PTPRN2: variants seen among roughly 807,000 people sequenced by gnomAD.
PTPRN2 encodes receptor-type tyrosine-protein phosphatase N2.
A neutral mutation model predicts 118.8 loss-of-function variants in PTPRN2; 74 were observed. The ratio of observed to expected loss-of-function variants is 0.62; its 90% CI spans 0.52 to 0.76. PTPRN2 has a LOEUF of 0.76. Among genes scored for constraint, PTPRN2 ranks in the 30% least tolerant of loss-of-function variants. The pLI is 0.00. For synonymous variants in PTPRN2, 641 were observed against 608.0 expected (o/e 1.05, Z -0.80); for missense variants, 1,481 against 1,394.4 (o/e 1.06, Z -0.99).
intron 11 of PTPRN2, among the ~76,000 whole-genome samples, chr7:158,010,483 C>T (rs1173027339): frequency 6.6e-6 from 1 of 152,220 alleles, no homozygotes; most frequent in Non-Finnish European, 1.5e-5. Context: ...CTCAGAAACA[C>T]CACTGACCAG....
At chr7:157,731,690 C>G (rs878959217) in intron 12 of PTPRN2, among the ~76,000 whole-genome samples, 469 of 2,490 alleles carry the variant, frequency 0.19, 1 homozygote, top group Non-Finnish European at 0.28. Context: ...TCCCGTCCCA[C>G]GCGCCCAGCA....
Position 157,861,839 on chromosome 7 carries a change from A to C in PTPRN2, c.1788+36834T>G, listed in dbSNP as rs1300796788. Among the ~76,000 whole-genome samples, 1 of 152,188 alleles carries C rather than the reference A, an allele frequency of 6.6e-6. No individual in the cohort carries two copies. The highest frequency in any genetic ancestry group is 1.5e-5 in the Non-Finnish European group (1 of 68,038). On this transcript the variant is annotated intron_variant, in intron 12 of 22. Coordinates refer to ENST00000389418, the MANE Select transcript of PTPRN2 (RefSeq NM_002847.5). The surrounding 1 kb of genome is among the most constrained non-coding windows in gnomAD (Gnocchi z 5.8). Reference sequence around the variant, plus strand: ...AGTCTGTCCTCTCCGTCGCAGGGACACGGATGCTTCGAGGACTCTGTGTGC... The same window carrying C: ...AGTCTGTCCTCTCCGTCGCAGGGACCCGGATGCTTCGAGGACTCTGTGTGC...
chr7:157,794,769 C>G lies in PTPRN2; in HGVS notation c.1788+103904G>C, dbSNP rs1050999687. On this transcript the variant is annotated intron_variant, in intron 12 of 22. Transcript: ENST00000389418. The surrounding 1 kb of genome is among the most constrained non-coding windows in gnomAD (Gnocchi z 5.2). The stretch of plus-strand genomic sequence containing the variant: ...TTGTGGAGACAGCTCACCAGCAGAA[C>G]AGTGAGCTACCTTCTCTCCCAGTAA... Among the ~76,000 whole-genome samples, 2 of 152,208 alleles carry G rather than the reference C, an allele frequency of 1.3e-5. No individual in the cohort carries two copies. The highest frequency in any genetic ancestry group is 4.8e-5 in the African/African-American group (2 of 41,448).
At chr7:158,038,697 CAT>C (rs1164946999) in intron 11 of PTPRN2, among the ~76,000 whole-genome samples, 1 of 148,202 alleles carries the variant, frequency 6.7e-6, no homozygotes, top group East Asian at 1.9e-4. Context: ...TTATATGTAA[CAT>C]GTATATTTAT....
chr7:157,787,481 G>T lies in PTPRN2; in HGVS notation c.1789-104544C>A, dbSNP rs1025795474. ...TGTGCCTGGGTCACCCCAGTGGGCA[G>T]GGCGGGCAGGGGGCTTCCCCACAGT... On this transcript the variant is annotated intron_variant, in intron 12 of 22. Transcript: ENST00000389418. This position sits in a 1 kb window ranked among gnomAD's most constrained non-coding sequence, Gnocchi z 5.3. 5.9e-5 allele frequency among the ~76,000 whole-genome samples: 9 copies of T among 152,116 alleles called. No homozygotes were observed. Among genetic ancestry groups the T allele is most frequent in the African/African-American group, 2.2e-4 (9 of 41,424 alleles).
intron 2 of PTPRN2, among the ~76,000 whole-genome samples, chr7:158,481,363 G>T (rs980183574): frequency 6.6e-6 from 1 of 152,242 alleles, no homozygotes; most frequent in African/African-American, 2.4e-5. Flanking sequence ...TCACCCAAGA[G>T]CTGTGATGCA....
intron 11 of PTPRN2, among the ~76,000 whole-genome samples, chr7:158,056,366 G>A (rs1192483085): frequency 2.0e-5 from 3 of 152,226 alleles, no homozygotes; most frequent in Non-Finnish European, 2.9e-5. Context: ...CCATGGGGGC[G>A]GCAGGCACTG....
Position 158,544,488 on chromosome 7 carries a change from A to T in PTPRN2, c.112+43070T>A, listed in dbSNP as rs111284441. On this transcript the variant is annotated intron_variant, in intron 1 of 22. Transcript: ENST00000389418. This position sits in a 1 kb window ranked among gnomAD's most constrained non-coding sequence, Gnocchi z 4.2. Reference sequence around the variant, plus strand: ...CTGTCTCTAATAAAAATACAAAAAAATTAGCCTGGTGTGGTGGCACATGCC... The same window carrying T: ...CTGTCTCTAATAAAAATACAAAAAATTTAGCCTGGTGTGGTGGCACATGCC... 1.6e-3 allele frequency among the ~76,000 whole-genome samples: 250 copies of T among 152,184 alleles called. 4 individuals are homozygous for T. Among genetic ancestry groups the T allele is most frequent in the African/African-American group, 5.7e-3 (235 of 41,510 alleles).
rs535160587 is a variant in PTPRN2, at chr7:158,507,038, T to C, written c.113-17253A>G. On this transcript the variant is annotated intron_variant, in intron 1 of 22. Transcript: ENST00000389418. ...GGTCAGCTGAGGAACATCAGGAGGTTACTGGGGGGAATGGGCTCTGAGCTA... is the reference window on the plus strand; with the variant it reads ...GGTCAGCTGAGGAACATCAGGAGGTCACTGGGGGGAATGGGCTCTGAGCTA... Among the ~76,000 whole-genome samples the C allele has an allele frequency of 2.0e-5, 3 of 152,220 alleles. No individual in the cohort carries two copies. In the South Asian group the frequency reaches 6.2e-4, roughly 32 times the overall value.
In PTPRN2 at chr7:158,153,577, C is replaced by T. The variant is rs112809644; in HGVS notation, c.910+13354G>A. ...AGAAGCGAGCCACTCCCCCATCGCACGCCCTGTGAGGGGAATAAGGGAACT... is the reference window on the plus strand; with the variant it reads ...AGAAGCGAGCCACTCCCCCATCGCATGCCCTGTGAGGGGAATAAGGGAACT... On this transcript the variant is annotated intron_variant, in intron 6 of 22. Coordinates refer to ENST00000389418, the MANE Select transcript of PTPRN2 (RefSeq NM_002847.5). 1.8e-3 allele frequency among the ~76,000 whole-genome samples: 278 copies of T among 152,280 alleles called. 3 individuals are homozygous for T. Among genetic ancestry groups the T allele is most frequent in the African/African-American group, 6.0e-3 (251 of 41,556 alleles).
chr7:158,137,958 T>G (rs1818988826), intron 7 of PTPRN2, among the ~76,000 whole-genome samples: 2 of 152,154 alleles, frequency 1.3e-5, no homozygotes, highest in African/African-American at 4.8e-5. Context: ...CCCCTCTCAC[T>G]CTGCTATTCA....
Position 158,034,430 on chromosome 7 carries a change from G to A in PTPRN2, c.1723+46868C>T, listed in dbSNP as rs112346887. 4.7e-3 allele frequency among the ~76,000 whole-genome samples: 711 copies of A among 152,308 alleles called. 5 individuals are homozygous for A. Among genetic ancestry groups the A allele is most frequent in the African/African-American group, 0.016 (671 of 41,572 alleles). On this transcript the variant is annotated intron_variant, in intron 11 of 22. Transcript: ENST00000389418. ...GGGGCAGGTCTTTCCCATGCTGTTC[G>A]TGTGATAGTGAATAGGTCTCACAAG...
chr7:157,887,610 T>C (rs1278839282), intron 12 of PTPRN2, among the ~76,000 whole-genome samples: 3 of 66,982 alleles, frequency 4.5e-5, no homozygotes, highest in East Asian at 5.2e-4. Flanking sequence ...TCCCAGTACA[T>C]GCTTCCCCCA....
At chr7:158,098,530 AAGGCGGTGGCC>A (rs1312502017) in intron 10 of PTPRN2, among the ~76,000 whole-genome samples, 9 of 152,294 alleles carry the variant, frequency 5.9e-5, no homozygotes, top group African/African-American at 2.2e-4. Flanking sequence ...TCCGACAGCG[AAGGCGGTGGCC>A]AGGAGGGCCA....
At chr7:158,462,509 G>T (rs530797384) in intron 2 of PTPRN2, among the ~76,000 whole-genome samples, 1 of 152,290 alleles carries the variant, frequency 6.6e-6, no homozygotes, top group Non-Finnish European at 1.5e-5. Flanking sequence ...AGGGGTGCCT[G>T]GTCCTGTCTC....
At chr7:158,063,977 A>T (rs1810563064) in intron 11 of PTPRN2, among the ~76,000 whole-genome samples, 1 of 152,230 alleles carries the variant, frequency 6.6e-6, no homozygotes. Context: ...CACACTACAT[A>T]CAATCACTCA....
intron 14 of PTPRN2, among the ~76,000 whole-genome samples, chr7:157,628,318 G>A (rs1366636843): frequency 1.3e-5 from 2 of 152,218 alleles, no homozygotes; most frequent in African/African-American, 4.8e-5. Context: ...TGAGGTCAAG[G>A]GGCTGATTTC....
At chr7:157,604,378 G>T (rs1455891447) in intron 15 of PTPRN2, among the ~76,000 whole-genome samples, 2 of 152,218 alleles carry the variant, frequency 1.3e-5, no homozygotes, top group Non-Finnish European at 2.9e-5. Context: ...CCTCCAGGTG[G>T]GAGGCAGACG....
chr7:157,588,680 A>G (rs1436322924), intron 17 of PTPRN2, among the ~76,000 whole-genome samples: 1 of 152,174 alleles, frequency 6.6e-6, no homozygotes, highest in Non-Finnish European at 1.5e-5. Context: ...GCACACGTGT[A>G]TTTTTGTAAA....
Sources: gnomAD v4.1 joint callset for allele counts (sites outside exome capture counted in the v4.1 genomes callset) on GRCh38, gnomAD v4.1.1 for gene constraint, Gnocchi (gnomAD v3.1) non-coding constraint, MANE v1.5 for transcripts, NCBI Gene and HGNC (gene_info 2026-07-23, HGNC 2026-07-21) for gene names.